The following PDE7B variants were observed in gnomAD, a reference collection of about 807,000 sequenced individuals.
PDE7B encodes 3',5'-cyclic-AMP phosphodiesterase 7B.
In PDE7B, 29 loss-of-function variants were observed where a neutral mutation model predicts 56.2. The observed-to-expected ratio is 0.52, with a 90% CI of 0.38 to 0.70. The LOEUF (loss-of-function observed/expected upper bound fraction) is 0.70. PDE7B is among the 30% of genes least tolerant of loss of function. The probability of loss-of-function intolerance (pLI) is 0.00; values close to 1 mark genes in which losing one functional copy is unlikely to be tolerated. For missense variants in PDE7B, 490 were observed against 565.0 expected, an observed-to-expected ratio of 0.87 and a Z score of 1.35; for synonymous variants, 197 against 196.9, an observed-to-expected ratio of 1.00 and a Z score of 0.00.
chr6:136,041,169 C>T (rs906955296), intron 2 of PDE7B, among the ~76,000 whole-genome samples: 1 of 152,092 alleles, frequency 6.6e-6, no homozygotes, highest in Non-Finnish European at 1.5e-5. Flanking sequence ...GTCATTGGCT[C>T]TTAATGTGTT....
intron 1 of PDE7B, among the ~76,000 whole-genome samples, chr6:135,853,526 AT>A (rs1449998812): frequency 6.6e-6 from 1 of 152,140 alleles, no homozygotes; most frequent in Non-Finnish European, 1.5e-5. Context: ...CTTGATTGAC[AT>A]TTTCTCCAAT....
At chr6:135,947,194 A>G (rs1218821674) in intron 1 of PDE7B, among the ~76,000 whole-genome samples, 1 of 152,090 alleles carries the variant, frequency 6.6e-6, no homozygotes, top group Admixed American at 6.6e-5. Context: ...TTTCAAACCA[A>G]ATGCATCTCT....
intron 2 of PDE7B, among the ~76,000 whole-genome samples, chr6:135,969,518 G>C (rs1160488169): frequency 6.6e-6 from 1 of 152,056 alleles, no homozygotes; most frequent in Non-Finnish European, 1.5e-5. Context: ...AACAAGCAAA[G>C]GGGAGAGGAT....
chr6:135,898,992 A>G (rs1775951027), intron 1 of PDE7B, among the ~76,000 whole-genome samples: 1 of 152,140 alleles, frequency 6.6e-6, no homozygotes, highest in African/African-American at 2.4e-5. Context: ...AGATAATTGA[A>G]TCATGGGGGT....
intron 2 of PDE7B, among the ~76,000 whole-genome samples, chr6:136,057,921 G>C (rs1776766266): frequency 2.0e-5 from 3 of 152,080 alleles, no homozygotes. Flanking sequence ...ATTTTTAGTA[G>C]AGACGGGGTT....
chr6:136,073,885 C>T (rs545079203), intron 2 of PDE7B, among the ~76,000 whole-genome samples: 23 of 152,192 alleles, frequency 1.5e-4, no homozygotes, highest in African/African-American at 1.9e-4. Flanking sequence ...AAGTACAATG[C>T]GCAGAAAACT....
At chr6:136,118,568 TAACTC>T (rs1390489954) in intron 3 of PDE7B, among the ~76,000 whole-genome samples, 1 of 152,142 alleles carries the variant, frequency 6.6e-6, no homozygotes, top group African/African-American at 2.4e-5. Flanking sequence ...AGAGGAGAAA[TAACTC>T]AACCAAGGTC....
intron 1 of PDE7B, among the ~76,000 whole-genome samples, chr6:135,889,440 A>ATTTTTT (rs11440304): frequency 9.7e-6 from 1 of 103,376 alleles, no homozygotes; most frequent in African/African-American, 4.2e-5. Context: ...GGTGCTACCA[A>ATTTTTT]TTTTTTTTTT....
intron 1 of PDE7B, among the ~76,000 whole-genome samples, chr6:135,904,329 T>A (rs1014217195): frequency 6.6e-6 from 1 of 152,184 alleles, no homozygotes; most frequent in Non-Finnish European, 1.5e-5. Flanking sequence ...GCTTTCTGCT[T>A]GTTGCTGGCT....
At chr6:135,907,209 G>A (rs1776131873) in intron 1 of PDE7B, among the ~76,000 whole-genome samples, 1 of 152,170 alleles carries the variant, frequency 6.6e-6, no homozygotes, top group Non-Finnish European at 1.5e-5. Flanking sequence ...GGATTTAGGA[G>A]TCAGCCAACA....
intron 1 of PDE7B, among the ~76,000 whole-genome samples, chr6:135,886,184 C>T (rs974515177): frequency 2.0e-5 from 3 of 152,002 alleles, no homozygotes; most frequent in African/African-American, 7.3e-5. Flanking sequence ...TTTAAGGACA[C>T]CATAAGGTGT....
At chr6:135,927,022 C>G (rs1455531496) in intron 1 of PDE7B, among the ~76,000 whole-genome samples, 2 of 152,152 alleles carry the variant, frequency 1.3e-5, no homozygotes, top group Non-Finnish European at 2.9e-5. Flanking sequence ...TCTTCAATAG[C>G]AGCCTATTCA....
chr6:135,907,877 G>A (rs1776143957), intron 1 of PDE7B, among the ~76,000 whole-genome samples: 1 of 152,092 alleles, frequency 6.6e-6, no homozygotes, highest in African/African-American at 2.4e-5. Flanking sequence ...CTATAGGGAG[G>A]AAATGGGCAA....
At chr6:135,869,922 AAGGTGAGGCAC>A (rs1265875323) in intron 1 of PDE7B, among the ~76,000 whole-genome samples, 49 of 152,186 alleles carry the variant, frequency 3.2e-4, no homozygotes, top group Non-Finnish European at 1.3e-4. Context: ...CAGGCATGGG[AAGGTGAGGCAC>A]AGGGCATGCA....
chr6:136,029,826 T>C (rs778429398), intron 2 of PDE7B, among the ~76,000 whole-genome samples: 1 of 152,168 alleles, frequency 6.6e-6, no homozygotes, highest in Non-Finnish European at 1.5e-5. Flanking sequence ...TTTCCCTTGA[T>C]TATGGTGCAA....
At chr6:136,031,197 A>G (rs990788183) in intron 2 of PDE7B, among the ~76,000 whole-genome samples, 2 of 152,240 alleles carry the variant, frequency 1.3e-5, no homozygotes, top group African/African-American at 4.8e-5. Flanking sequence ...GAACAGGCAT[A>G]AAATCCTTGC....
At chr6:135,984,620 G>T (rs1228459803) in intron 2 of PDE7B, among the ~76,000 whole-genome samples, 1 of 151,998 alleles carries the variant, frequency 6.6e-6, no homozygotes, top group African/African-American at 2.4e-5. Context: ...ATTTTGTGTA[G>T]AAAATAAGAC....
chr6:135,998,305 T>A (rs1053835561), intron 2 of PDE7B, among the ~76,000 whole-genome samples: 1 of 152,232 alleles, frequency 6.6e-6, no homozygotes, highest in Non-Finnish European at 1.5e-5. Context: ...TTGTGTAGAC[T>A]ATGGTATAAC....
chr6:136,005,070 C>T (rs576512456), intron 2 of PDE7B, among the ~76,000 whole-genome samples: 1 of 152,326 alleles, frequency 6.6e-6, no homozygotes, highest in South Asian at 2.1e-4. Flanking sequence ...ACTATCTGAT[C>T]TTTGACAAAC....
Sources: allele counts gnomAD v4.1 joint callset (sites outside exome capture counted in the v4.1 genomes callset), GRCh38; gene constraint gnomAD v4.1.1; transcripts MANE v1.5; gene names NCBI Gene and HGNC (gene_info 2026-07-23, HGNC 2026-07-21).